The following MYLK variants were observed in gnomAD, a reference collection of about 807,000 sequenced individuals.
The protein encoded by MYLK is myosin light chain kinase, also known as myosin light chain kinase, smooth muscle.
A neutral mutation model predicts 203.4 loss-of-function variants in MYLK; 106 were observed. The ratio of observed to expected loss-of-function variants is 0.52; its 90% CI spans 0.45 to 0.61. The LOEUF (loss-of-function observed/expected upper bound fraction) is 0.61, where lower values mean the gene tolerates loss of function less well. Among genes scored for constraint, MYLK ranks in the 20% least tolerant of loss-of-function variants. The pLI, the probability that MYLK is intolerant of heterozygous loss-of-function variation, is 0.00. For synonymous variants in MYLK, 867 were observed against 959.5 expected (o/e 0.90, Z 1.78); for missense variants, 2,072 against 2,442.3 (o/e 0.85, Z 3.20).
chr3:123,685,612 G>GAAAAAAAAA (rs59215456), intron 19 of MYLK, among the ~76,000 whole-genome samples: 5 of 112,400 alleles, frequency 4.4e-5, no homozygotes, highest in Admixed American at 9.5e-5. Flanking sequence ...TCCAAAAAAT[G>GAAAAAAAAA]AAAAAAAAAA....
chr3:123,763,565 C>CT (rs199646054), intron 4 of MYLK, among the ~76,000 whole-genome samples: 8 of 151,092 alleles, frequency 5.3e-5, no homozygotes, highest in Non-Finnish European at 7.4e-5. Flanking sequence ...AAGTGGAAAC[C>CT]TTTTTTTTTC....
chr3:123,868,722 T>C (rs3863980), intron 2 of MYLK, among the ~76,000 whole-genome samples: 14,832 of 152,176 alleles, frequency 0.097, 1,142 homozygotes, highest in East Asian at 0.36. Context: ...ACAAGAACAA[T>C]ATCATAAGAT....
At chr3:123,615,523 A>G (rs554299744) in intron 33 of MYLK, among the ~76,000 whole-genome samples, 4 of 152,066 alleles carry the variant, frequency 2.6e-5, no homozygotes, top group East Asian at 3.9e-4. Flanking sequence ...TAGTAGAGAC[A>G]GGGTTTCAGC....
At chr3:123,673,008 G>A (rs914039198) in intron 20 of MYLK, among the ~76,000 whole-genome samples, 1 of 152,112 alleles carries the variant, frequency 6.6e-6, no homozygotes, top group Non-Finnish European at 1.5e-5. Context: ...CTGGTGACTT[G>A]CTAGGTTCAT....
At chr3:123,864,031 C>A (rs1474845610) in intron 2 of MYLK, among the ~76,000 whole-genome samples, 1 of 152,134 alleles carries the variant, frequency 6.6e-6, no homozygotes, top group African/African-American at 2.4e-5. Flanking sequence ...AAGGAACGGA[C>A]TGATACACAA....
intron 19 of MYLK, among the ~76,000 whole-genome samples, chr3:123,690,466 A>G (rs932953593): frequency 2.6e-5 from 4 of 152,020 alleles, no homozygotes; most frequent in Non-Finnish European, 5.9e-5. Context: ...TGCCTTGGGG[A>G]GTAGGGAGAG....
intron 16 of MYLK, among the ~76,000 whole-genome samples, chr3:123,704,207 T>C (rs780874381): frequency 2.0e-5 from 3 of 152,322 alleles, no homozygotes; most frequent in Non-Finnish European, 4.4e-5. Context: ...GGCAGGGCAA[T>C]AGCAGTAACT....
chr3:123,652,376 T>C (rs2059244022), intron 24 of MYLK, among the ~76,000 whole-genome samples: 2 of 152,180 alleles, frequency 1.3e-5, no homozygotes, highest in African/African-American at 2.4e-5. Flanking sequence ...TTCTGAGATA[T>C]TTCTGCAAAC....
In MYLK at chr3:123,649,195, C is replaced by CT. The variant is rs1330908233; in HGVS notation, c.4289-2dup. On this transcript the variant is annotated splice_acceptor_variant, in intron 24 of 33. Coordinates refer to ENST00000360304, the MANE Select transcript of MYLK (RefSeq NM_053025.4). LOFTEE classifies it high-confidence loss of function. The stretch of plus-strand genomic sequence containing the variant: ...GACACCTCCACTTCATCCTTCGGCT[C>CT]TGGGGGGGGCACAAGGAAGGACAGA... 1.2e-6 allele frequency: 2 copies of CT among 1,611,798 alleles called. No homozygotes were observed. Among genetic ancestry groups the CT allele is most frequent in the African/African-American group, 1.3e-5 (1 of 74,728 alleles).
At chr3:123,815,738 G>A (rs1318975321) in intron 3 of MYLK, among the ~76,000 whole-genome samples, 5 of 152,156 alleles carry the variant, frequency 3.3e-5, no homozygotes, top group African/African-American at 9.7e-5. Flanking sequence ...TTTTTATACC[G>A]CTTAACGTAA....
chr3:123,864,611 A>G (rs1395318320), intron 2 of MYLK, among the ~76,000 whole-genome samples: 2 of 152,202 alleles, frequency 1.3e-5, no homozygotes, highest in Admixed American at 6.5e-5. Flanking sequence ...AAATTTTTAT[A>G]ACAAAATTAT....
At chr3:123,774,482 T>G (rs568988271) in intron 4 of MYLK, among the ~76,000 whole-genome samples, 1 of 148,386 alleles carries the variant, frequency 6.7e-6, no homozygotes, top group African/African-American at 2.4e-5. Context: ...CCATACTAAT[T>G]TTATAGGTAA....
chr3:123,874,304 A>G (rs541306156), intron 2 of MYLK, among the ~76,000 whole-genome samples: 20 of 152,308 alleles, frequency 1.3e-4, no homozygotes, highest in African/African-American at 4.6e-4. Context: ...ATAAACACAT[A>G]AATCAATGGG....
At chr3:123,673,831 T>G (rs1372777405) in intron 20 of MYLK, among the ~76,000 whole-genome samples, 2 of 152,060 alleles carry the variant, frequency 1.3e-5, no homozygotes, top group Admixed American at 6.5e-5. Context: ...CTTTGCAAAC[T>G]CCATGATGGC....
intron 5 of MYLK, among the ~76,000 whole-genome samples, chr3:123,743,502 T>C (rs1466760353): frequency 1.3e-5 from 2 of 152,190 alleles, no homozygotes; most frequent in African/African-American, 4.8e-5. Context: ...AAATTAATTT[T>C]GTAAAAGTAT....
intron 4 of MYLK, among the ~76,000 whole-genome samples, chr3:123,777,012 A>G (rs2064103134): frequency 6.6e-6 from 1 of 152,270 alleles, no homozygotes; most frequent in South Asian, 2.1e-4. Flanking sequence ...AGCAAAGCAG[A>G]ACCATAGGTA....
At chr3:123,721,981 C>T (rs1165478336) in intron 13 of MYLK, 147 bp downstream of exon 13, 4 of 1,037,388 alleles carry the variant, frequency 3.9e-6, no homozygotes, top group Admixed American at 2.0e-5. Flanking sequence ...CGGCACCTGC[C>T]GCTGCCAGTG....
Position 123,657,414 on chromosome 3 carries a change from G to T in MYLK, c.4000C>A (p.Pro1334Thr). The T allele has an allele frequency of 6.2e-7, 1 of 1,613,512 alleles. No individual in the cohort carries two copies. Among genetic ancestry groups the T allele is most frequent in the Non-Finnish European group, 8.5e-7 (1 of 1,180,022 alleles). ...NLTVVDKPDP[P>T]AGTPCASDIR... is the part of the protein sequence containing the mutation. Reference sequence around the variant, plus strand: ...TCAGAGGCACAAGGTGTGCCAGCTGGGGGGTCTGGCTTATCTGGGGATAAA... The same window carrying T: ...TCAGAGGCACAAGGTGTGCCAGCTGTGGGGTCTGGCTTATCTGGGGATAAA... Residue 1334 changes from proline to threonine, a missense_variant, in exon 24 of 34, where the codon CCA (proline) becomes ACA (threonine). Pro to Thr is a conservative substitution (Grantham distance 38). Coordinates refer to ENST00000360304, the MANE Select transcript of MYLK (RefSeq NM_053025.4).
At chr3:123,704,747 C>CAAAAAAAAAAAAAAAAAAAAA (rs5852352) in intron 16 of MYLK, among the ~76,000 whole-genome samples, 1 of 87,728 alleles carries the variant, frequency 1.1e-5, no homozygotes. Flanking sequence ...ACTAAAAATA[C>CAAAAAAAAAAAAAAAAAAAAA]AAAAAAAAAA....
Sources: gnomAD v4.1 joint callset for allele counts (sites outside exome capture counted in the v4.1 genomes callset) on GRCh38, gnomAD v4.1.1 for gene constraint, MANE v1.5 for transcripts, NCBI Gene and HGNC (gene_info 2026-07-23, HGNC 2026-07-21) for gene names.